The following DIS3L2 variants were observed in gnomAD, a reference collection of about 807,000 sequenced individuals.
The protein encoded by DIS3L2 is DIS3 like 3'-5' exoribonuclease 2.
In DIS3L2, 34 loss-of-function variants were observed where a neutral mutation model predicts 97.5. That is an observed-to-expected ratio of 0.35 (90% CI 0.27 to 0.46). The LOEUF (loss-of-function observed/expected upper bound fraction) is 0.46, where lower values mean the gene tolerates loss of function less well. Ranked by LOEUF, DIS3L2 falls within the 20% of genes least tolerant of loss-of-function variation. DIS3L2 has a pLI of 1.00. For missense variants in DIS3L2, 1,038 were observed against 1,146.0 expected (o/e 0.91, Z 1.36); for synonymous variants, 435 against 445.2 (o/e 0.98, Z 0.29).
At chr2:232,127,558 C>T (rs76792507) in intron 6 of DIS3L2, among the ~76,000 whole-genome samples, 2,305 of 152,336 alleles carry the variant, frequency 0.015, 61 homozygotes, top group African/African-American at 0.053. Flanking sequence ...TCTTAGCCTG[C>T]TCTTATCTTG....
chr2:232,068,911 G>A (rs1036023661), intron 5 of DIS3L2, among the ~76,000 whole-genome samples: 1 of 151,988 alleles, frequency 6.6e-6, no homozygotes, highest in Non-Finnish European at 1.5e-5. Flanking sequence ...TTGCCTCCCG[G>A]GTTCAGGTGA....
chr2:232,217,681 T>C (rs62197754), intron 10 of DIS3L2, among the ~76,000 whole-genome samples: 30,440 of 152,208 alleles, frequency 0.2, 3,888 homozygotes, highest in South Asian at 0.47. Flanking sequence ...TGGTTTATTA[T>C]AAAAGATATT....
At chr2:232,274,047 A>G (rs1200318704) in intron 13 of DIS3L2, among the ~76,000 whole-genome samples, 4 of 152,200 alleles carry the variant, frequency 2.6e-5, no homozygotes, top group African/African-American at 7.2e-5. Context: ...AAGATAACTT[A>G]TATCCCGGTT....
intron 6 of DIS3L2, among the ~76,000 whole-genome samples, chr2:232,097,362 C>T (rs1697051606): frequency 6.6e-6 from 1 of 152,162 alleles, no homozygotes; most frequent in Non-Finnish European, 1.5e-5. Flanking sequence ...TTGGATCAGA[C>T]CTGAAGCCAG....
At chr2:232,162,544 C>T (rs1458558477) in intron 8 of DIS3L2, among the ~76,000 whole-genome samples, 4 of 152,210 alleles carry the variant, frequency 2.6e-5, no homozygotes, top group Non-Finnish European at 5.9e-5. Context: ...TCATAGAAAT[C>T]GAATAGCCTG....
chr2:231,969,617 A>C (rs1426895105), intron 1 of DIS3L2, among the ~76,000 whole-genome samples: 1 of 152,130 alleles, frequency 6.6e-6, no homozygotes, highest in Non-Finnish European at 1.5e-5. Flanking sequence ...GGCGTCCTAG[A>C]GCTTTTTAAT....
intron 13 of DIS3L2, among the ~76,000 whole-genome samples, chr2:232,294,655 C>T (rs190844411): frequency 6.6e-5 from 10 of 152,278 alleles, no homozygotes; most frequent in Non-Finnish European, 1.0e-4. Context: ...CCCTTCAACT[C>T]CCTTATCCAG....
intron 1 of DIS3L2, among the ~76,000 whole-genome samples, chr2:231,989,351 G>GTT (rs937762162): frequency 4.1e-5 from 6 of 146,170 alleles, no homozygotes; most frequent in African/African-American, 1.7e-4. Context: ...GTGTGTGTGT[G>GTT]TGTGTGTGTG....
chr2:232,229,235 G>C (rs542494649), intron 10 of DIS3L2, among the ~76,000 whole-genome samples: 1 of 152,256 alleles, frequency 6.6e-6, no homozygotes, highest in Admixed American at 6.5e-5. Context: ...AGAAGGAAGA[G>C]TATAATGAAA....
At chr2:232,250,829 C>T (rs1693397727) in intron 12 of DIS3L2, among the ~76,000 whole-genome samples, 1 of 152,134 alleles carries the variant, frequency 6.6e-6, no homozygotes, top group Admixed American at 6.6e-5. Flanking sequence ...AGGCCTATAT[C>T]CATGAGTCGG....
At chr2:232,337,981 A>G (rs1387311437), downstream of DIS3L2, among the ~76,000 whole-genome samples, 2 of 149,352 alleles carry the variant, frequency 1.3e-5, no homozygotes, top group Non-Finnish European at 3.0e-5. Context: ...CCCAGAGGCC[A>G]CGGTCACCCC....
intron 6 of DIS3L2, among the ~76,000 whole-genome samples, chr2:232,124,860 C>T (rs1213203440): frequency 1.3e-5 from 2 of 152,162 alleles, no homozygotes; most frequent in Non-Finnish European, 2.9e-5. Context: ...CTAGACTGAC[C>T]AGGATAACCT....
intron 1 of DIS3L2, among the ~76,000 whole-genome samples, chr2:232,012,493 A>AGTTTGTTTGCTG (rs755442153): frequency 0.014 from 2,125 of 152,170 alleles, 21 homozygotes; most frequent in Non-Finnish European, 0.021. Context: ...TTTCAATTCC[A>AGTTTGTTTGCTG]GCGCTTGTTT....
At chr2:232,014,435 A>G (rs950439665) in intron 1 of DIS3L2, among the ~76,000 whole-genome samples, 1 of 152,222 alleles carries the variant, frequency 6.6e-6, no homozygotes, top group African/African-American at 2.4e-5. Flanking sequence ...GACTTAGTAA[A>G]TGCCACATAT....
intron 9 of DIS3L2, among the ~76,000 whole-genome samples, chr2:232,176,690 G>C (rs188539124): frequency 2.0e-5 from 3 of 151,570 alleles, no homozygotes; most frequent in South Asian, 2.1e-4. Context: ...CCAGGCTCAA[G>C]TAATCCTCTT....
At chr2:232,235,380 A>C (rs1692906505) in intron 10 of DIS3L2, among the ~76,000 whole-genome samples, 1 of 152,256 alleles carries the variant, frequency 6.6e-6, no homozygotes, top group Non-Finnish European at 1.5e-5. Flanking sequence ...CACCACCTCA[A>C]GAGTTCTGCA....
At chr2:232,247,616 C>CGAGGGG (rs1693289516) in intron 11 of DIS3L2, among the ~76,000 whole-genome samples, 2 of 6,526 alleles carry the variant, frequency 3.1e-4, no homozygotes, top group African/African-American at 6.1e-4. Context: ...ATAACTGCCG[C>CGAGGGG]GGGGGGGGGG....
Position 232,336,598 on chromosome 2 carries a change from G to A in DIS3L2, c.2626G>A (p.Asp876Asn), listed in dbSNP as rs754326555. 1.2e-6 allele frequency: 2 copies of A among 1,607,892 alleles called. No individual in the cohort carries two copies. Among genetic ancestry groups the A allele is most frequent in the East Asian group, 4.5e-5 (2 of 44,848 alleles). Residue 876 changes from aspartate to asparagine, a missense_variant, in exon 21 of 21, where the codon GAC (aspartate) becomes AAC (asparagine). This residue lies in a region of DIS3L2 where 221 missense variants were observed against 246.9 expected (regional missense o/e 0.90). Coordinates refer to ENST00000325385, the MANE Select transcript of DIS3L2 (RefSeq NM_152383.5). Reference protein sequence around the residue: ...LGPEKEEEESDGEPEDSSTS With the variant: ...LGPEKEEEESNGEPEDSSTS ...CCCTGAGAAGGAGGAGGAGGAGTCT[G>A]ACGGTGAGCCCGAGGACTCAAGCAC...
In DIS3L2 at chr2:232,087,713, C is replaced by T; in HGVS notation, c.593C>T (p.Ser198Phe). Reference sequence around the variant, plus strand: ...GTTAAGAAACTCTCAGTTTGTGTTTCTGAGAAAGGTGAGTACTAGACTATT... The same window carrying T: ...GTTAAGAAACTCTCAGTTTGTGTTTTTGAGAAAGGTGAGTACTAGACTATT... The part of the protein sequence containing the change: ...DGVKKLSVCV[S>F]EKGREDGDAP... Residue 198 changes from serine to phenylalanine, a missense_variant, in exon 6 of 21, where the codon TCT (serine) becomes TTT (phenylalanine). This residue lies in a region of DIS3L2 where 813 missense variants were observed against 880.1 expected (regional missense o/e 0.92). Coordinates refer to ENST00000325385, the MANE Select transcript of DIS3L2 (RefSeq NM_152383.5). 3.7e-6 allele frequency: 6 copies of T among 1,613,580 alleles called. No homozygotes were observed. Among genetic ancestry groups the T allele is most frequent in the Non-Finnish European group, 5.1e-6 (6 of 1,179,640 alleles).
Sources: gnomAD v4.1 joint callset for allele counts (sites outside exome capture counted in the v4.1 genomes callset) on GRCh38, gnomAD v4.1.1 for gene constraint, gnomAD v4.1.1 regional missense constraint, MANE v1.5 for transcripts, NCBI Gene and HGNC (gene_info 2026-07-23, HGNC 2026-07-21) for gene names.